The following GJB6 variants were observed in gnomAD, a reference collection of about 807,000 sequenced individuals.
GJB6 encodes the protein gap junction beta-6 protein.
Under a neutral mutation model 5.4 loss-of-function variants are expected in GJB6, and 5 were observed. The observed-to-expected ratio is 0.92, with a 90% CI of 0.48 to 1.93. The LOEUF (loss-of-function observed/expected upper bound fraction) is 1.93. Ranked by LOEUF, GJB6 falls within the 30% of genes most tolerant of loss-of-function variation. The probability of loss-of-function intolerance (pLI) is 0.01; values close to 1 mark genes in which losing one functional copy is unlikely to be tolerated. For missense variants in GJB6, 298 were observed against 326.9 expected (o/e 0.91, Z 0.68); for synonymous variants, 136 against 129.6 (o/e 1.05, Z -0.34).
intron 4 of GJB6, among the ~76,000 whole-genome samples, chr13:20,228,684 C>G (rs1157704152): frequency 4.2e-5 from 4 of 96,200 alleles, no homozygotes; most frequent in African/African-American, 1.1e-4. Context: ...CGGGGTTTCA[C>G]CGTGTTAGCC....
rs538884824 is a variant in GJB6 at position 20,223,231 on chromosome 13, C to T, written c.250G>A (p.Val84Ile). Residue 84 changes from valine to isoleucine, a missense_variant, in exon 5 of 5, where the codon GTC becomes ATC. Transcript: ENST00000647029. ...IRLWALQLIFVSTPALLVAMH... is the reference protein window; with the variant it reads ...IRLWALQLIFISTPALLVAMH... Reference sequence around the variant, plus strand: ...GCCACCAGCAGCGCTGGGGTGGAGACGAAGATCAGCTGGAGGGCCCACAGC... The same window carrying T: ...GCCACCAGCAGCGCTGGGGTGGAGATGAAGATCAGCTGGAGGGCCCACAGC... 8.1e-6 allele frequency: 13 copies of T among 1,609,920 alleles called. No individual in the cohort carries two copies. Among genetic ancestry groups the T allele is most frequent in the Admixed American group, 6.7e-5 (4 of 59,912 alleles).
intron 4 of GJB6, among the ~76,000 whole-genome samples, chr13:20,226,011 T>A (rs1869552195): frequency 6.6e-6 from 1 of 151,794 alleles, no homozygotes; most frequent in African/African-American, 2.4e-5. Flanking sequence ...GGGAACAGAG[T>A]GCTGGGCTCC....
chr13:20,229,123 C>CAAAAAAAAAAAAAAAAAAAA (rs5802041), intron 4 of GJB6, among the ~76,000 whole-genome samples: 1 of 43,872 alleles, frequency 2.3e-5, no homozygotes, highest in African/African-American at 9.9e-5. Context: ...TGTCATTTAG[C>CAAAAAAAAAAAAAAAAAAAA]AAAAAAAAAA....
At position 20,221,973 on chromosome 13, in the gene GJB6, G is replaced by A. The variant is rs1398969600; in HGVS notation, c.*722C>T. The A allele has an allele frequency of 6.6e-6, 1 of 152,396 alleles. No homozygotes were observed. Among genetic ancestry groups the A allele is most frequent in the Non-Finnish European group, 1.5e-5 (1 of 68,076 alleles). 9.4% of individuals were successfully genotyped at this position (152,396 alleles called of 1,614,324 possible). A position where few individuals can be genotyped will look rare whatever the true frequency, so the allele number is the denominator to read the frequency against. On this transcript the variant is annotated 3_prime_UTR_variant, in exon 5 of 5. Transcript: ENST00000647029. ...AACCACAAGGCATGTGAAGGCTTAAGCAATGGGGACGAGCTTTATTGAGGC... is the reference window on the plus strand; with the variant it reads ...AACCACAAGGCATGTGAAGGCTTAAACAATGGGGACGAGCTTTATTGAGGC...
intron 4 of GJB6, among the ~76,000 whole-genome samples, chr13:20,228,481 TTTTTGTTTTTTG>T (rs1443094982): frequency 2.5e-5 from 3 of 121,718 alleles, no homozygotes; most frequent in African/African-American, 7.4e-5. Flanking sequence ...TTGTTTTTTG[TTTTTGTTTTTTG>T]TTTTTTTTGA....
chr13:20,229,531 G>A (rs1342824010), intron 4 of GJB6, 49 bp downstream of exon 4: 1 of 151,818 alleles, frequency 6.6e-6, no homozygotes, highest in East Asian at 1.9e-4. Context: ...GATAGTCGGG[G>A]AGTCTGCATA....
chr13:20,227,820 C>G (rs1404196222), intron 4 of GJB6, among the ~76,000 whole-genome samples: 1 of 152,178 alleles, frequency 6.6e-6, no homozygotes, highest in Non-Finnish European at 1.5e-5. Context: ...CCTGGCTGCC[C>G]CAGGAGACGC....
intron 4 of GJB6, among the ~76,000 whole-genome samples, chr13:20,224,680 A>G (rs1350093000): frequency 6.6e-6 from 1 of 152,214 alleles, no homozygotes; most frequent in East Asian, 1.9e-4. Context: ...GCCACAGAAG[A>G]CTATAGAATT....
At chr13:20,228,672 G>C (rs1480096618) in intron 4 of GJB6, among the ~76,000 whole-genome samples, 1 of 121,164 alleles carries the variant, frequency 8.3e-6, no homozygotes, top group Non-Finnish European at 1.9e-5. Flanking sequence ...TTTTAGTAGA[G>C]ACGGGGTTTC....
At chr13:20,226,007 A>G (rs552878201) in intron 4 of GJB6, among the ~76,000 whole-genome samples, 8 of 152,166 alleles carry the variant, frequency 5.3e-5, no homozygotes, top group Non-Finnish European at 1.2e-4. Context: ...TGAAGGGAAC[A>G]GAGTGCTGGG....
chr13:20,223,968 C>T (rs1441663064), intron 4 of GJB6, among the ~76,000 whole-genome samples: 2 of 145,560 alleles, frequency 1.4e-5, no homozygotes, highest in Non-Finnish European at 3.0e-5. Flanking sequence ...GACTCTGTCT[C>T]GAAAAAAAAA....
At chr13:20,227,210 A>G (rs934122188) in intron 4 of GJB6, among the ~76,000 whole-genome samples, 14 of 152,182 alleles carry the variant, frequency 9.2e-5, no homozygotes, top group Admixed American at 7.9e-4. Context: ...TGGGTCCCCA[A>G]GCCACACGGT....
At chr13:20,223,968 C>G (rs1441663064) in intron 4 of GJB6, among the ~76,000 whole-genome samples, 1 of 145,560 alleles carries the variant, frequency 6.9e-6, no homozygotes, top group African/African-American at 2.6e-5. Context: ...GACTCTGTCT[C>G]GAAAAAAAAA....
Position 20,222,930 on chromosome 13 carries a change from C to T in GJB6, c.551G>A (p.Arg184Lys). The T allele has an allele frequency of 6.2e-7, 1 of 1,614,072 alleles. No individual in the cohort carries two copies. Among genetic ancestry groups the T allele is most frequent in the Non-Finnish European group, 8.5e-7 (1 of 1,179,990 alleles). Residue 184 changes from arginine (R) to lysine (K), a missense_variant, in exon 5 of 5, where the codon AGG (arginine) becomes AAG (lysine). Physicochemically the swap from Arg to Lys is conservative, Grantham distance 26. Transcript: ENST00000647029. ...CPNLVDCFIS[R>K]PTEKTVFTIF... The stretch of plus-strand genomic sequence containing the variant: ...GGTAAACACGGTCTTCTCTGTTGGC[C>T]TAGAAATAAAGCAGTCAACAAGGTT...
At chr13:20,225,432 ATGGACAC>A (rs1869512217) in intron 4 of GJB6, 1 of 152,164 alleles carries the variant, frequency 6.6e-6, no homozygotes. Context: ...TCATCTATCA[ATGGACAC>A]TGGGTTGCTT....
At chr13:20,224,914 C>G (rs1869471748) in intron 4 of GJB6, among the ~76,000 whole-genome samples, 1 of 152,164 alleles carries the variant, frequency 6.6e-6, no homozygotes, top group African/African-American at 2.4e-5. Context: ...GGCCAGCCCC[C>G]TGGACCTCAC....
In GJB6 at chr13:20,222,571, G is replaced by A. The variant is rs1384120990; in HGVS notation, c.*124C>T. On this transcript the variant is annotated 3_prime_UTR_variant, in exon 5 of 5. Transcript: ENST00000647029. ...TATCCTACAAAAAGTTAACTCAAGT[G>A]TCTATTTATTATGAAAGTCATTTAC... 6.3e-6 allele frequency: 5 copies of A among 790,898 alleles called. No homozygotes were observed. The highest frequency in any genetic ancestry group is 1.1e-5 in the Non-Finnish European group (5 of 453,472). 49.0% of individuals were successfully genotyped at this position (790,898 alleles called of 1,614,324 possible).
chr13:20,226,138 CCG>C (rs1869562272), intron 4 of GJB6, among the ~76,000 whole-genome samples: 1 of 151,998 alleles, frequency 6.6e-6, no homozygotes, highest in African/African-American at 2.4e-5. Context: ...TACCTCACAG[CCG>C]AGAGAACAGA....
At chr13:20,225,882 C>A (rs895013253) in intron 4 of GJB6, among the ~76,000 whole-genome samples, 2 of 152,166 alleles carry the variant, frequency 1.3e-5, no homozygotes, top group African/African-American at 4.8e-5. Context: ...TCAATAACTG[C>A]AGCCTAGCAT....
Sources: gnomAD v4.1 joint callset for allele counts (sites outside exome capture counted in the v4.1 genomes callset) on GRCh38, gnomAD v4.1.1 for gene constraint, MANE v1.5 for transcripts, NCBI Gene and HGNC (gene_info 2026-07-23, HGNC 2026-07-21) for gene names.